Variants in MARCHF1 observed in about 807,000 individuals in gnomAD.
The protein encoded by MARCHF1 is E3 ubiquitin-protein ligase MARCHF1.
Under a neutral mutation model 54.2 loss-of-function variants are expected in MARCHF1, and 40 were observed. The ratio of observed to expected loss-of-function variants is 0.74; its 90% CI spans 0.57 to 0.96. The LOEUF is 0.96. Ranked by LOEUF, MARCHF1 falls within the 40% of genes least tolerant of loss-of-function variation. The pLI is 0.00. For missense variants in MARCHF1, 586 were observed against 656.5 expected (o/e 0.89, Z 1.17); for synonymous variants, 236 against 236.3 (o/e 1.00, Z 0.01).
At chr4:164,322,274 C>CA in intron 1 of MARCHF1, among the ~76,000 whole-genome samples, 1 of 151,954 alleles carries the variant, frequency 6.6e-6, no homozygotes, top group Admixed American at 6.5e-5. Context: ...AACGAACAAG[C>CA]AAAAAACTCA....
rs956197141 is a variant in MARCHF1, at chr4:164,018,667, ATAT to A, written c.-247-29961_-247-29959del. On this transcript the variant is annotated intron_variant, in intron 2 of 9. Transcript: ENST00000514618. ...TTAGTAAAACATATTTTAAAAAGTT[ATAT>A]TATTATGTTTGTGTTTATTATATTT... is the stretch of plus-strand genomic sequence containing the variant. Among the ~76,000 whole-genome samples the A allele has an allele frequency of 2.3e-4, 35 of 152,278 alleles. No individual in the cohort carries two copies. The Middle Eastern group carries it at 0.01, about 44-fold the overall frequency.
At chr4:163,649,262 T>A (rs1316378041) in intron 5 of MARCHF1, among the ~76,000 whole-genome samples, 1 of 152,000 alleles carries the variant, frequency 6.6e-6, no homozygotes, top group Non-Finnish European at 1.5e-5. Context: ...ACTTATATCA[T>A]ACAAAAAGGA....
In MARCHF1 at chr4:164,003,329, A is replaced by T. The variant is rs531540714; in HGVS notation, c.-247-14620T>A. Among the ~76,000 whole-genome samples the T allele has an allele frequency of 1.6e-4, 24 of 152,168 alleles. 1 individual carries two copies. Among genetic ancestry groups the T allele is most frequent in the African/African-American group, 5.3e-4 (22 of 41,556 alleles). On this transcript the variant is annotated intron_variant, in intron 2 of 9. Transcript: ENST00000514618. ...AAAAATACAGCAGGATAGATTTCAT[A>T]TCAAAAGTCTTACACTTATATTAAA...
chr4:164,313,348 C>CA (rs553280791), intron 1 of MARCHF1, among the ~76,000 whole-genome samples: 3,398 of 80,116 alleles, frequency 0.042, 109 homozygotes, highest in Middle Eastern at 0.083. Context: ...GACTCTGTCT[C>CA]AAAAAAAAAA....
chr4:163,735,872 G>A (rs1409395278), intron 4 of MARCHF1, among the ~76,000 whole-genome samples: 4 of 152,044 alleles, frequency 2.6e-5, no homozygotes, highest in Non-Finnish European at 5.9e-5. Context: ...TGGTACAGTG[G>A]TCCCCCCTTC....
At chr4:164,157,987 G>T (rs1422145302) in intron 1 of MARCHF1, among the ~76,000 whole-genome samples, 1 of 152,122 alleles carries the variant, frequency 6.6e-6, no homozygotes, top group Admixed American at 6.6e-5. Context: ...TGATTCTTGA[G>T]AAACATGTTT....
intron 8 of MARCHF1, among the ~76,000 whole-genome samples, chr4:163,548,931 T>C (rs2110930611): frequency 6.6e-6 from 1 of 152,336 alleles, no homozygotes; most frequent in African/African-American, 2.4e-5. Context: ...TCACAAAAGA[T>C]TTCGTGATAG....
chr4:163,606,241 C>T (rs1741137029), intron 7 of MARCHF1, among the ~76,000 whole-genome samples: 2 of 151,940 alleles, frequency 1.3e-5, no homozygotes. Context: ...CTTGTTTTAC[C>T]CTGTAACACC....
chr4:163,860,417 T>C (rs1445917337), intron 3 of MARCHF1, among the ~76,000 whole-genome samples: 1 of 152,134 alleles, frequency 6.6e-6, no homozygotes, highest in African/African-American at 2.4e-5. Flanking sequence ...GCAAACACCG[T>C]GAAATACCCC....
chr4:164,292,338 T>C (rs1306384621), intron 1 of MARCHF1, among the ~76,000 whole-genome samples: 3 of 152,188 alleles, frequency 2.0e-5, no homozygotes, highest in African/African-American at 7.2e-5. Flanking sequence ...TATGCGTTTT[T>C]TTTCATACAG....
chr4:163,800,450 A>C (rs568128609), intron 4 of MARCHF1, among the ~76,000 whole-genome samples: 7 of 152,034 alleles, frequency 4.6e-5, no homozygotes, highest in African/African-American at 1.4e-4. Flanking sequence ...CTAATGTATA[A>C]TTCCAAAGAG....
intron 1 of MARCHF1, among the ~76,000 whole-genome samples, chr4:164,114,445 T>C (rs918624151): frequency 6.6e-6 from 1 of 151,758 alleles, no homozygotes; most frequent in African/African-American, 2.4e-5. Context: ...CATTAATAAT[T>C]CAAAAATAAG....
chr4:163,953,968 C>T (rs940988291), intron 3 of MARCHF1, among the ~76,000 whole-genome samples: 3 of 151,996 alleles, frequency 2.0e-5, no homozygotes, highest in Admixed American at 2.0e-4. Context: ...CCATTAATAC[C>T]AATAAAAAAC....
chr4:164,251,912 A>C (rs1287338314), intron 1 of MARCHF1, among the ~76,000 whole-genome samples: 1 of 152,230 alleles, frequency 6.6e-6, no homozygotes, highest in Non-Finnish European at 1.5e-5. Flanking sequence ...AGCACATAGC[A>C]CCAATAGATT....
chr4:163,955,682 C>G (rs190669343), intron 3 of MARCHF1, among the ~76,000 whole-genome samples: 45 of 152,222 alleles, frequency 3.0e-4, no homozygotes, highest in African/African-American at 1.0e-3. Context: ...CTTCCCAATC[C>G]TGTTACAGCA....
chr4:163,537,588 T>C (rs1738580087), intron 9 of MARCHF1, among the ~76,000 whole-genome samples: 1 of 152,188 alleles, frequency 6.6e-6, no homozygotes, highest in South Asian at 2.1e-4. Flanking sequence ...TCTTTGTGTC[T>C]GGAATACTTT....
intron 4 of MARCHF1, among the ~76,000 whole-genome samples, chr4:163,752,769 CATTT>C (rs1238096426): frequency 6.6e-6 from 1 of 152,144 alleles, no homozygotes; most frequent in African/African-American, 2.4e-5. Flanking sequence ...TATTCAACTT[CATTT>C]GTTATTATAA....
intron 4 of MARCHF1, among the ~76,000 whole-genome samples, chr4:163,721,814 C>T (rs143257390): frequency 0.013 from 1,905 of 152,158 alleles, 58 homozygotes; most frequent in African/African-American, 0.042. Context: ...AGTTTGCTTG[C>T]GTAGAGGTGT....
At chr4:163,829,827 T>C (rs1052252875) in intron 4 of MARCHF1, among the ~76,000 whole-genome samples, 8 of 152,344 alleles carry the variant, frequency 5.3e-5, no homozygotes, top group Admixed American at 2.0e-4. Context: ...AGGCAAACAA[T>C]TGGACGGCAG....
Sources: allele counts gnomAD v4.1 joint callset (sites outside exome capture counted in the v4.1 genomes callset), GRCh38; gene constraint gnomAD v4.1.1; transcripts MANE v1.5; gene names NCBI Gene and HGNC (gene_info 2026-07-23, HGNC 2026-07-21).